The following LUZP2 variants were observed in gnomAD, a reference collection of about 807,000 sequenced individuals.
LUZP2 encodes leucine zipper protein 2.
LUZP2 carries 52 observed loss-of-function variants against 51.6 expected under a neutral mutation model. That is an observed-to-expected ratio of 1.01 (90% confidence interval 0.81 to 1.27). The LOEUF (loss-of-function observed/expected upper bound fraction) is 1.27. Ranked by LOEUF, LUZP2 falls within the 50% of genes most tolerant of loss-of-function variation. LUZP2 has a pLI of 0.00. For missense variants in LUZP2, 436 were observed against 395.4 expected (o/e 1.10, Z -0.87); for synonymous variants, 154 against 137.3 (o/e 1.12, Z -0.85).
At chr11:24,650,622 A>G (rs1470567350) in intron 1 of LUZP2, among the ~76,000 whole-genome samples, 4 of 152,100 alleles carry the variant, frequency 2.6e-5, no homozygotes, top group African/African-American at 7.2e-5. Flanking sequence ...ACACTCACCA[A>G]TGATCTCTTA....
At chr11:24,562,939 T>C (rs1006677830) in intron 1 of LUZP2, among the ~76,000 whole-genome samples, 21 of 151,800 alleles carry the variant, frequency 1.4e-4, no homozygotes, top group South Asian at 6.2e-4. Context: ...AAGGGTAAGA[T>C]TGTGGGGCCT....
chr11:24,602,018 ATATATGTG>A (rs1479344341), intron 1 of LUZP2, among the ~76,000 whole-genome samples: 2 of 138,890 alleles, frequency 1.4e-5, no homozygotes, highest in African/African-American at 5.4e-5. Flanking sequence ...GTATATATGT[ATATATGTG>A]TATATATGTA....
At chr11:24,657,513 G>T (rs1213812439) in intron 1 of LUZP2, among the ~76,000 whole-genome samples, 1 of 152,070 alleles carries the variant, frequency 6.6e-6, no homozygotes, top group Non-Finnish European at 1.5e-5. Context: ...TTTGAAAACT[G>T]GCACAAGACA....
chr11:24,777,510 A>G (rs1218237211), intron 5 of LUZP2, among the ~76,000 whole-genome samples: 7 of 152,212 alleles, frequency 4.6e-5, no homozygotes, highest in African/African-American at 1.7e-4. Flanking sequence ...AGATATGCAT[A>G]TATTATCCTA....
At chr11:24,835,462 G>A (rs140613905) in intron 5 of LUZP2, among the ~76,000 whole-genome samples, 1 of 152,128 alleles carries the variant, frequency 6.6e-6, no homozygotes, top group East Asian at 1.9e-4. Flanking sequence ...GACAAATTGG[G>A]TCTAATTAAA....
chr11:24,926,574 C>CGTGTATATATATGT (rs1390597464), intron 7 of LUZP2, among the ~76,000 whole-genome samples: 5 of 95,938 alleles, frequency 5.2e-5, no homozygotes, highest in African/African-American at 1.6e-4. Context: ...TATATATATA[C>CGTGTATATATATGT]GTGTATATAT....
At chr11:24,998,055 A>G (rs1856560961) in intron 9 of LUZP2, among the ~76,000 whole-genome samples, 1 of 152,146 alleles carries the variant, frequency 6.6e-6, no homozygotes, top group Non-Finnish European at 1.5e-5. Context: ...AGGTAGCGTG[A>G]TGCCTCCAGC....
At chr11:24,961,805 TA>T (rs1855417718) in intron 7 of LUZP2, among the ~76,000 whole-genome samples, 1 of 149,910 alleles carries the variant, frequency 6.7e-6, no homozygotes. Flanking sequence ...GTTAGCTGGT[TA>T]TTTTGCTCGT....
intron 5 of LUZP2, among the ~76,000 whole-genome samples, chr11:24,769,639 A>G (rs1376883370): frequency 6.6e-6 from 1 of 151,684 alleles, no homozygotes; most frequent in Non-Finnish European, 1.5e-5. Context: ...GAGAAGGGAA[A>G]GATGGAGGAG....
chr11:24,866,815 A>C (rs1851912957), intron 5 of LUZP2, among the ~76,000 whole-genome samples: 1 of 152,110 alleles, frequency 6.6e-6, no homozygotes, highest in Admixed American at 6.6e-5. Flanking sequence ...GAAGTGTAGA[A>C]TGGGAGGAAG....
intron 1 of LUZP2, among the ~76,000 whole-genome samples, chr11:24,643,099 T>C (rs1855348134): frequency 1.3e-5 from 2 of 150,882 alleles, no homozygotes; most frequent in Admixed American, 1.3e-4. Flanking sequence ...ATTATCAGAG[T>C]TGAAAATAGA....
intron 1 of LUZP2, among the ~76,000 whole-genome samples, chr11:24,711,840 A>G (rs1298476465): frequency 3.3e-5 from 5 of 152,110 alleles, no homozygotes; most frequent in Non-Finnish European, 7.3e-5. Flanking sequence ...ATAATTGTAT[A>G]TAGGCATAAA....
At chr11:25,051,428 A>C (rs1274872687) in intron 10 of LUZP2, among the ~76,000 whole-genome samples, 1 of 152,272 alleles carries the variant, frequency 6.6e-6, no homozygotes, top group Non-Finnish European at 1.5e-5. Context: ...AATAAGAAGT[A>C]TAAATAAAAT....
chr11:24,821,873 T>TTA (rs143517041), intron 5 of LUZP2, among the ~76,000 whole-genome samples: 22,956 of 148,072 alleles, frequency 0.16, 2,332 homozygotes, highest in African/African-American at 0.29. Flanking sequence ...CCAGAAATAT[T>TTA]TATATATATA....
At position 25,046,347 on chromosome 11, in the gene LUZP2, C is replaced by T. The variant is rs79403886; in HGVS notation, c.766-3691C>T. ...TTCAAATATTTGATTCAGTTCTAAACATAATACTGTTGTAGAGCGGATGCA... is the reference window on the plus strand; with the variant it reads ...TTCAAATATTTGATTCAGTTCTAAATATAATACTGTTGTAGAGCGGATGCA... On this transcript the variant is annotated intron_variant, in intron 9 of 11. Transcript: ENST00000336930. 7.9e-3 allele frequency among the ~76,000 whole-genome samples: 1,202 copies of T among 151,988 alleles called. 35 individuals are homozygous for T. In the East Asian group the frequency reaches 0.1, roughly 13 times the overall value.
chr11:24,510,674 T>A (rs1298225108), intron 1 of LUZP2, among the ~76,000 whole-genome samples: 1 of 152,190 alleles, frequency 6.6e-6, no homozygotes, highest in Non-Finnish European at 1.5e-5. Flanking sequence ...GTATACCACA[T>A]TTATATTATA....
At chr11:24,502,865 G>A (rs1411991623) in intron 1 of LUZP2, among the ~76,000 whole-genome samples, 1 of 152,182 alleles carries the variant, frequency 6.6e-6, no homozygotes, top group South Asian at 2.1e-4. Flanking sequence ...GAGTACAAGT[G>A]TCAAGGAATA....
intron 1 of LUZP2, among the ~76,000 whole-genome samples, chr11:24,537,571 G>T (rs1477173370): frequency 6.6e-6 from 1 of 151,716 alleles, no homozygotes; most frequent in Non-Finnish European, 1.5e-5. Flanking sequence ...TCAAATCAAA[G>T]GTTCTTTTAT....
intron 7 of LUZP2, among the ~76,000 whole-genome samples, chr11:24,973,470 G>A (rs997552638): frequency 1.5e-5 from 2 of 130,666 alleles, no homozygotes; most frequent in Non-Finnish European, 3.3e-5. Context: ...GTTATTTCTT[G>A]TCTTTTGCTA....
Sources: gnomAD v4.1 joint callset for allele counts (sites outside exome capture counted in the v4.1 genomes callset) on GRCh38, gnomAD v4.1.1 for gene constraint, MANE v1.5 for transcripts, NCBI Gene and HGNC (gene_info 2026-07-23, HGNC 2026-07-21) for gene names.